The following TMCO5A variants were observed in gnomAD, a reference collection of about 807,000 sequenced individuals.
TMCO5A encodes transmembrane and coiled-coil domains 5A.
A neutral mutation model predicts 42.3 loss-of-function variants in TMCO5A; 34 were observed. That is an observed-to-expected ratio of 0.80 (90% CI 0.61 to 1.07). The LOEUF is 1.07. Ranked by LOEUF, TMCO5A falls within the 50% of genes least tolerant of loss-of-function variation. The pLI is 0.00. For missense variants in TMCO5A, 357 were observed against 327.9 expected (o/e 1.09, Z -0.69); for synonymous variants, 131 against 115.6 (o/e 1.13, Z -0.86).
chr15:37,972,931 C>CCT, the TMCO5A span, among the ~76,000 whole-genome samples: 1 of 152,090 alleles, frequency 6.6e-6, no homozygotes, highest in Admixed American at 6.5e-5. Context: ...AAGTCTCTAA[C>CCT]CTAGCTTGCA....
At chr15:37,936,254 C>T in intron 2 of TMCO5A, 60 bp from the exon 3 acceptor site, 3 of 1,545,680 alleles carry the variant, frequency 1.9e-6, no homozygotes, top group South Asian at 1.3e-5. Flanking sequence ...CCTTTTTGGC[C>T]TGATGATTAT....
chr15:37,954,136 A>G, downstream of TMCO5A, among the ~76,000 whole-genome samples: 1 of 152,168 alleles, frequency 6.6e-6, no homozygotes, highest in East Asian at 1.9e-4. Context: ...AGATAGGCAT[A>G]GAAAGTTTAT....
chr15:38,039,515 G>A, the TMCO5A span, among the ~76,000 whole-genome samples: 1 of 152,154 alleles, frequency 6.6e-6, no homozygotes, highest in South Asian at 2.1e-4. Context: ...AACAGGATTT[G>A]TAGAGACTCC....
At chr15:37,977,463 G>A in the TMCO5A span, among the ~76,000 whole-genome samples, 19 of 152,254 alleles carry the variant, frequency 1.2e-4, no homozygotes, top group Admixed American at 1.2e-3. Context: ...TTGGTTTCAC[G>A]GGGTGTATAT....
intron 11 of TMCO5A, among the ~76,000 whole-genome samples, chr15:37,965,847 G>A (rs980078772): frequency 9.2e-5 from 14 of 152,138 alleles, no homozygotes; most frequent in African/African-American, 3.1e-4. Flanking sequence ...ACAGTTTGGA[G>A]GTTCCTCAAA....
At chr15:37,972,472 C>A (rs1294970230), downstream of TMCO5A, among the ~76,000 whole-genome samples, 2 of 152,068 alleles carry the variant, frequency 1.3e-5, no homozygotes, top group Admixed American at 6.6e-5. Flanking sequence ...TTAATAATAG[C>A]CATTCTGAGT....
intron 11 of TMCO5A, among the ~76,000 whole-genome samples, chr15:37,962,474 A>G (rs1384622468): frequency 1.3e-5 from 2 of 152,116 alleles, no homozygotes; most frequent in Non-Finnish European, 2.9e-5. Flanking sequence ...ATCTATCTTC[A>G]TCAAGGATAT....
At chr15:38,028,295 G>A in the TMCO5A span, among the ~76,000 whole-genome samples, 1 of 152,218 alleles carries the variant, frequency 6.6e-6, no homozygotes, top group Non-Finnish European at 1.5e-5. Context: ...ACCATGTGGT[G>A]TTTAACAGAA....
chr15:37,951,321 T>C lies in TMCO5A; in HGVS notation c.*87T>C. On this transcript the variant is annotated 3_prime_UTR_variant, in exon 12 of 12. Coordinates refer to ENST00000319669, the MANE Select transcript of TMCO5A (RefSeq NM_152453.4). The stretch of plus-strand genomic sequence containing the variant: ...GCATGAAACTTGTGGAGGAAAGAGA[T>C]TTGCTTCAGTTTTTTCCTCACCGTT... 6 of 1,348,292 alleles carry C rather than the reference T, an allele frequency of 4.5e-6. No homozygotes were observed. Among genetic ancestry groups the C allele is most frequent in the Non-Finnish European group, 6.2e-6 (6 of 966,348 alleles). The allele number at this position is 1,348,292 out of a possible 1,614,324, so 83.5% of individuals were successfully genotyped here.
chr15:38,028,607 T>G, the TMCO5A span, among the ~76,000 whole-genome samples: 3 of 151,994 alleles, frequency 2.0e-5, no homozygotes, highest in African/African-American at 7.3e-5. Flanking sequence ...ATTGAAAGAG[T>G]GTAGCACAGG....
chr15:38,016,122 G>T, the TMCO5A span, among the ~76,000 whole-genome samples: 3 of 151,754 alleles, frequency 2.0e-5, no homozygotes, highest in African/African-American at 7.3e-5. Flanking sequence ...CCCTATGGTG[G>T]GGGGTGTTGA....
chr15:38,022,845 A>G, the TMCO5A span, among the ~76,000 whole-genome samples: 1 of 152,296 alleles, frequency 6.6e-6, no homozygotes, highest in East Asian at 1.9e-4. Context: ...TAAAATAACT[A>G]TGATATTTTA....
chr15:37,986,591 C>T, the TMCO5A span, among the ~76,000 whole-genome samples: 4 of 152,030 alleles, frequency 2.6e-5, no homozygotes, highest in South Asian at 8.3e-4. Flanking sequence ...ATACTCTGTA[C>T]CCATTAAACA....
the TMCO5A span, among the ~76,000 whole-genome samples, chr15:37,984,372 T>A: frequency 2.6e-5 from 4 of 152,096 alleles, no homozygotes; most frequent in Non-Finnish European, 5.9e-5. Context: ...CTCTGAAATC[T>A]AAGTTGGTGG....
At chr15:38,037,295 A>G in the TMCO5A span, among the ~76,000 whole-genome samples, 3 of 152,220 alleles carry the variant, frequency 2.0e-5, no homozygotes, top group African/African-American at 7.2e-5. Context: ...TCCTAATGAC[A>G]ATGTATGCAT....
chr15:38,019,964 GT>G, the TMCO5A span, among the ~76,000 whole-genome samples: 2,264 of 143,642 alleles, frequency 0.016, 50 homozygotes, highest in African/African-American at 0.054. Flanking sequence ...AGCATCAGAG[GT>G]TTTTTTTTTT....
At chr15:38,010,844 C>G in the TMCO5A span, among the ~76,000 whole-genome samples, 1 of 152,092 alleles carries the variant, frequency 6.6e-6, no homozygotes, top group African/African-American at 2.4e-5. Flanking sequence ...CCTCCGTCTC[C>G]CAGGTTCAAG....
chr15:38,003,689 C>A, the TMCO5A span, among the ~76,000 whole-genome samples: 1 of 152,202 alleles, frequency 6.6e-6, no homozygotes, highest in East Asian at 1.9e-4. Flanking sequence ...TGCCCCAGGC[C>A]CACAACAAAC....
At chr15:38,018,738 A>T in the TMCO5A span, among the ~76,000 whole-genome samples, 1 of 151,174 alleles carries the variant, frequency 6.6e-6, no homozygotes, top group Non-Finnish European at 1.5e-5. Flanking sequence ...TCTTCAGATT[A>T]AAAGGGTTCA....
Sources: gnomAD v4.1 joint callset for allele counts (sites outside exome capture counted in the v4.1 genomes callset) on GRCh38, gnomAD v4.1.1 for gene constraint, MANE v1.5 for transcripts, NCBI Gene and HGNC (gene_info 2026-07-23, HGNC 2026-07-21) for gene names.